The following PTPN9 variants were observed in gnomAD, a reference collection of about 807,000 sequenced individuals.
The protein encoded by PTPN9 is protein tyrosine phosphatase non-receptor type 9.
PTPN9 carries 26 observed loss-of-function variants against 69.8 expected under a neutral mutation model. The observed-to-expected ratio is 0.37, with a 90% CI of 0.27 to 0.52. PTPN9 has a LOEUF of 0.52. Ranked by LOEUF, PTPN9 falls within the 20% of genes least tolerant of loss-of-function variation. PTPN9 has a pLI of 0.91. For missense variants in PTPN9, 549 were observed against 740.3 expected, an observed-to-expected ratio of 0.74 and a Z score of 3.00; for synonymous variants, 274 against 272.5, an observed-to-expected ratio of 1.01 and a Z score of -0.05.
At chr15:75,559,061 C>T (rs1415162685) in intron 1 of PTPN9, among the ~76,000 whole-genome samples, 1 of 151,216 alleles carries the variant, frequency 6.6e-6, no homozygotes, top group African/African-American at 2.4e-5. Context: ...TCTTCCCGGC[C>T]GCCATCCCGT....
chr15:75,568,438 G>C (rs767795563), intron 1 of PTPN9, among the ~76,000 whole-genome samples: 2 of 150,110 alleles, frequency 1.3e-5, no homozygotes, highest in Non-Finnish European at 3.0e-5. Context: ...GGCCAGGGAG[G>C]TCAAGGCTTC....
intron 1 of PTPN9, among the ~76,000 whole-genome samples, chr15:75,571,631 T>C (rs528303962): frequency 2.0e-5 from 3 of 152,190 alleles, no homozygotes; most frequent in African/African-American, 7.2e-5. Context: ...TGGTGGTGGC[T>C]CACGCTTGTA....
chr15:75,551,936 G>A (rs1567518875), intron 1 of PTPN9, among the ~76,000 whole-genome samples: 1 of 151,758 alleles, frequency 6.6e-6, no homozygotes, highest in South Asian at 2.1e-4. Flanking sequence ...TACTTGGGAG[G>A]CTGAGGCAGA....
intron 2 of PTPN9, among the ~76,000 whole-genome samples, chr15:75,524,846 A>ATTTCTTTG (rs2074920730): frequency 6.6e-6 from 1 of 151,766 alleles, no homozygotes; most frequent in East Asian, 1.9e-4. Context: ...TGAATTATGA[A>ATTTCTTTG]TTTCTTTGTA....
chr15:75,502,408 A>G lies in PTPN9; in HGVS notation c.968+3267T>C, dbSNP rs577610145. Among the ~76,000 whole-genome samples the G allele has an allele frequency of 3.9e-5, 6 of 151,950 alleles. No individual in the cohort carries two copies. The South Asian group carries it at 1.0e-3, about 26-fold the overall frequency. On this transcript the variant is annotated intron_variant, in intron 7 of 12. Transcript: ENST00000618819. ...GGTTGCAGTGAGCCGAGATCGTGCC[A>G]TTGCACTCCAGCCTGGGTGACAGAA... is the stretch of plus-strand genomic sequence containing the variant.
At chr15:75,532,293 G>A (rs1028466646) in intron 1 of PTPN9, among the ~76,000 whole-genome samples, 3 of 151,892 alleles carry the variant, frequency 2.0e-5, no homozygotes, top group South Asian at 4.2e-4. Context: ...TCCCAGCTAC[G>A]TGGGAGGCTG....
chr15:75,515,922 TAAAAC>T (rs924231866), intron 5 of PTPN9, among the ~76,000 whole-genome samples: 1 of 151,440 alleles, frequency 6.6e-6, no homozygotes, highest in African/African-American at 2.4e-5. Context: ...TAAAATAAAA[TAAAAC>T]AAAATAAAAT....
chr15:75,502,529 G>T (rs562884897), intron 7 of PTPN9, among the ~76,000 whole-genome samples: 1 of 152,124 alleles, frequency 6.6e-6, no homozygotes, highest in East Asian at 1.9e-4. Flanking sequence ...TTGTGTGTGG[G>T]TGTGTATATA....
chr15:75,520,625 C>T (rs1269029353), intron 4 of PTPN9, among the ~76,000 whole-genome samples: 2 of 151,868 alleles, frequency 1.3e-5, no homozygotes, highest in Non-Finnish European at 2.9e-5. Flanking sequence ...AGTGATTCTC[C>T]TGCCTCAGCC....
chr15:75,526,000 T>G (rs1490244563), intron 2 of PTPN9, among the ~76,000 whole-genome samples: 1 of 151,818 alleles, frequency 6.6e-6, no homozygotes, highest in Non-Finnish European at 1.5e-5. Context: ...TATTTTCTCT[T>G]TCTTTTTTTT....
intron 1 of PTPN9, among the ~76,000 whole-genome samples, chr15:75,570,874 C>T (rs1273142706): frequency 1.3e-5 from 2 of 152,124 alleles, no homozygotes; most frequent in Non-Finnish European, 2.9e-5. Context: ...TCATAAGAAC[C>T]TGTACTAGGT....
Position 75,520,968 on chromosome 15 carries a change from C to A in PTPN9, c.422+2153G>T, listed in dbSNP as rs1167373397. Among the ~76,000 whole-genome samples, 9 of 151,884 alleles carry A rather than the reference C, an allele frequency of 5.9e-5. No homozygotes were observed. In the East Asian group the frequency reaches 1.6e-3, roughly 26 times the overall value. On this transcript the variant is annotated intron_variant, in intron 4 of 12. Transcript: ENST00000618819. ...CAGGTGATCCTCCCAGTTCAGCCTT[C>A]CGTGAGTGTCTGGGACTACAGGCAA...
At chr15:75,549,720 C>T (rs1287613706) in intron 1 of PTPN9, among the ~76,000 whole-genome samples, 1 of 152,124 alleles carries the variant, frequency 6.6e-6, no homozygotes, top group East Asian at 1.9e-4. Context: ...TTTGTGAGAA[C>T]TGTCTAGACC....
At chr15:75,511,657 A>G (rs1164840117) in intron 5 of PTPN9, among the ~76,000 whole-genome samples, 1 of 152,098 alleles carries the variant, frequency 6.6e-6, no homozygotes, top group Non-Finnish European at 1.5e-5. Context: ...TTCCACCTTT[A>G]CATATTAAAA....
intron 1 of PTPN9, among the ~76,000 whole-genome samples, chr15:75,565,971 T>A (rs752734052): frequency 1.3e-5 from 2 of 152,212 alleles, no homozygotes; most frequent in Non-Finnish European, 2.9e-5. Flanking sequence ...TTTATTTCAA[T>A]GCTACAAAGT....
chr15:75,553,634 G>A (rs879543723), intron 1 of PTPN9, among the ~76,000 whole-genome samples: 26 of 151,766 alleles, frequency 1.7e-4, no homozygotes, highest in Non-Finnish European at 3.5e-4. Context: ...CCTCAATTTT[G>A]CCCCAGTTCC....
chr15:75,478,859 G>A (rs1009935120), intron 9 of PTPN9, among the ~76,000 whole-genome samples: 2 of 152,130 alleles, frequency 1.3e-5, no homozygotes, highest in African/African-American at 4.8e-5. Flanking sequence ...GCTCTGCAGT[G>A]GTCAAAGGGC....
At chr15:75,473,476 G>C (rs1049035862) in intron 10 of PTPN9, among the ~76,000 whole-genome samples, 1 of 152,116 alleles carries the variant, frequency 6.6e-6, no homozygotes, top group African/African-American at 2.4e-5. Flanking sequence ...ATTTTTAATA[G>C]AGACGGGGTT....
At chr15:75,548,293 T>G (rs2075042746) in intron 1 of PTPN9, among the ~76,000 whole-genome samples, 1 of 151,850 alleles carries the variant, frequency 6.6e-6, no homozygotes, top group East Asian at 1.9e-4. Context: ...CTCACTCTTG[T>G]CACCCAGGCT....
Sources: gnomAD v4.1 joint callset for allele counts (sites outside exome capture counted in the v4.1 genomes callset) on GRCh38, gnomAD v4.1.1 for gene constraint, MANE v1.5 for transcripts, NCBI Gene and HGNC (gene_info 2026-07-23, HGNC 2026-07-21) for gene names.